MEIS1: variants seen among roughly 807,000 people sequenced by gnomAD.
MEIS1 encodes the protein homeobox protein Meis1.
MEIS1 carries 5 observed loss-of-function variants against 50.8 expected under a neutral mutation model. The observed-to-expected ratio is 0.10, with a 90% CI of 0.05 to 0.21. The LOEUF (loss-of-function observed/expected upper bound fraction) is 0.21. MEIS1 is among the 10% of genes least tolerant of loss of function. The pLI is 1.00. For synonymous variants in MEIS1, 176 were observed against 179.3 expected, an observed-to-expected ratio of 0.98 and a Z score of 0.15; for missense variants, 318 against 517.3, an observed-to-expected ratio of 0.61 and a Z score of 3.74.
chr2:66,540,818 G>C (rs1572890754), intron 8 of MEIS1, among the ~76,000 whole-genome samples: 1 of 152,140 alleles, frequency 6.6e-6, no homozygotes, highest in East Asian at 1.9e-4. Context: ...TAACATATGT[G>C]TAGCTAATGA....
At chr2:66,451,876 A>G (rs1400222735) in intron 6 of MEIS1, among the ~76,000 whole-genome samples, 2 of 151,908 alleles carry the variant, frequency 1.3e-5, no homozygotes, top group Non-Finnish European at 2.9e-5. Context: ...AAACTTTTCA[A>G]TATATAGCCT....
chr2:66,553,390 C>T (rs536107871), intron 9 of MEIS1, among the ~76,000 whole-genome samples: 1 of 152,290 alleles, frequency 6.6e-6, no homozygotes, highest in South Asian at 2.1e-4. Context: ...TGCTTTTCAC[C>T]TTGAGTGTCA....
At chr2:66,543,874 C>T (rs1295063506) in intron 8 of MEIS1, among the ~76,000 whole-genome samples, 1 of 152,236 alleles carries the variant, frequency 6.6e-6, no homozygotes, top group East Asian at 1.9e-4. Flanking sequence ...AGGTCTCCCT[C>T]ACTGTCTATG....
intron 8 of MEIS1, among the ~76,000 whole-genome samples, chr2:66,519,643 A>G (rs1674063626): frequency 6.6e-6 from 1 of 152,140 alleles, no homozygotes; most frequent in Non-Finnish European, 1.5e-5. Flanking sequence ...AAACGCCTTC[A>G]CTCAGCAAAT....
intron 8 of MEIS1, among the ~76,000 whole-genome samples, chr2:66,535,225 C>G (rs1162167215): frequency 2.6e-5 from 4 of 152,106 alleles, no homozygotes; most frequent in Non-Finnish European, 5.9e-5. Flanking sequence ...TGTGTCCACT[C>G]TAAATTTTGT....
At chr2:66,567,339 G>A (rs1675373034) in intron 9 of MEIS1, 114 bp from the exon 10 acceptor site, 2 of 1,052,200 alleles carry the variant, frequency 1.9e-6, no homozygotes, top group African/African-American at 1.6e-5. Context: ...AACTGAAGGA[G>A]TCCCATTTTG....
chr2:66,493,142 A>C (rs553304197), intron 7 of MEIS1, among the ~76,000 whole-genome samples: 1 of 152,362 alleles, frequency 6.6e-6, no homozygotes, highest in African/African-American at 2.4e-5. Flanking sequence ...AGTTTGCTTA[A>C]GATATCAGCT....
intron 4 of MEIS1, 51 bp downstream of exon 4, chr2:66,440,663 A>G: frequency 1.1e-6 from 1 of 897,922 alleles, no homozygotes; most frequent in Non-Finnish European, 1.5e-6. Flanking sequence ...CCTACCTCCC[A>G]CCTCCAACGC....
intron 7 of MEIS1, among the ~76,000 whole-genome samples, chr2:66,480,196 A>G (rs1196906003): frequency 6.6e-6 from 1 of 152,358 alleles, no homozygotes; most frequent in East Asian, 1.9e-4. Flanking sequence ...CCAATAATTT[A>G]ATGCTAATAT....
intron 7 of MEIS1, among the ~76,000 whole-genome samples, chr2:66,510,069 T>C (rs905334870): frequency 6.6e-6 from 1 of 152,218 alleles, no homozygotes; most frequent in African/African-American, 2.4e-5. Flanking sequence ...TCAGGTCGTA[T>C]GTGTCTTTTC....
chr2:66,514,731 A>T (rs1371671805), intron 8 of MEIS1, among the ~76,000 whole-genome samples: 3 of 152,152 alleles, frequency 2.0e-5, no homozygotes, highest in Admixed American at 1.3e-4. Context: ...AAGTTAAGAG[A>T]TATGTTTAAA....
At chr2:66,494,857 G>C (rs1438365211) in intron 7 of MEIS1, among the ~76,000 whole-genome samples, 1 of 152,146 alleles carries the variant, frequency 6.6e-6, no homozygotes, top group Non-Finnish European at 1.5e-5. Context: ...CTGAGACTGA[G>C]GACCCAGGTT....
intron 6 of MEIS1, chr2:66,443,293 C>A (rs765108365): frequency 2.1e-6 from 1 of 473,236 alleles, no homozygotes. Flanking sequence ...TGTTTCTTGT[C>A]GCTTTTAATT....
intron 7 of MEIS1, among the ~76,000 whole-genome samples, chr2:66,485,230 A>G (rs1673113888): frequency 6.6e-6 from 1 of 151,994 alleles, no homozygotes. Context: ...TACATTAGGT[A>G]TTTCTCCTAA....
At chr2:66,464,329 C>G in intron 7 of MEIS1, 109 bp downstream of exon 7, 1 of 847,122 alleles carries the variant, frequency 1.2e-6, no homozygotes, top group Non-Finnish European at 1.9e-6. Flanking sequence ...AAGATAAACC[C>G]CCTTTAACTT....
At chr2:66,447,279 G>A (rs1313708348) in intron 6 of MEIS1, among the ~76,000 whole-genome samples, 1 of 152,192 alleles carries the variant, frequency 6.6e-6, no homozygotes, top group East Asian at 1.9e-4. Flanking sequence ...GCTTCCATTT[G>A]TATACATCTT....
In MEIS1 at chr2:66,449,098, C is replaced by T. The variant is rs139030342; in HGVS notation, c.630+6050C>T. Among the ~76,000 whole-genome samples the T allele has an allele frequency of 4.6e-3, 706 of 152,090 alleles. 7 individuals are homozygous for T. Among genetic ancestry groups the T allele is most frequent in the African/African-American group, 0.016 (679 of 41,524 alleles). On this transcript the variant is annotated intron_variant, in intron 6 of 12. Coordinates refer to ENST00000272369, the MANE Select transcript of MEIS1 (RefSeq NM_002398.3). ...AAAATTATGGGAAAGTATTCTTTTA[C>T]AAATGAAGAAAAATAGAATGCATGT...
intron 8 of MEIS1, among the ~76,000 whole-genome samples, chr2:66,518,958 A>G (rs1674041703): frequency 6.6e-6 from 1 of 152,214 alleles, no homozygotes; most frequent in Non-Finnish European, 1.5e-5. Flanking sequence ...TTAGGATCCT[A>G]GGACTGAACT....
chr2:66,492,683 G>A (rs1673301619), intron 7 of MEIS1, among the ~76,000 whole-genome samples: 1 of 152,212 alleles, frequency 6.6e-6, no homozygotes, highest in Admixed American at 6.5e-5. Context: ...CCCCTGAGAA[G>A]TCCTTGGTTG....
Sources: allele counts gnomAD v4.1 joint callset (sites outside exome capture counted in the v4.1 genomes callset), GRCh38; gene constraint gnomAD v4.1.1; transcripts MANE v1.5; gene names NCBI Gene and HGNC (gene_info 2026-07-23, HGNC 2026-07-21).